GABRP: variants seen among roughly 807,000 people sequenced by gnomAD.
GABRP encodes the protein gamma-aminobutyric acid receptor subunit pi.
Under a neutral mutation model 47.8 loss-of-function variants are expected in GABRP, and 52 were observed. The ratio of observed to expected loss-of-function variants is 1.09; its 90% CI spans 0.87 to 1.37. GABRP has a LOEUF of 1.37. GABRP is among the 40% of genes most tolerant of loss of function. The probability of loss-of-function intolerance (pLI) is 0.00; values close to 1 mark genes in which losing one functional copy is unlikely to be tolerated. For missense variants in GABRP, 525 were observed against 542.8 expected (o/e 0.97, Z 0.33); for synonymous variants, 221 against 205.8 (o/e 1.07, Z -0.63).
At chr5:170,792,149 A>G (rs1446910983) in intron 3 of GABRP, among the ~76,000 whole-genome samples, 1 of 152,236 alleles carries the variant, frequency 6.6e-6, no homozygotes, top group East Asian at 1.9e-4. Flanking sequence ...ACAGGTGTGA[A>G]ACTGTAGCAT....
chr5:170,811,539 C>T (rs535378873), intron 9 of GABRP, among the ~76,000 whole-genome samples: 5 of 152,228 alleles, frequency 3.3e-5, no homozygotes, highest in South Asian at 4.1e-4. Flanking sequence ...TTTAATCTTC[C>T]CATCAGTCTC....
chr5:170,788,387 T>A, intron 1 of GABRP, 187 bp from the exon 2 acceptor site: 1 of 420,232 alleles, frequency 2.4e-6, no homozygotes, highest in Admixed American at 4.1e-5. Flanking sequence ...AACATAATCC[T>A]CCAAAATGAA....
Position 170,796,964 on chromosome 5 carries a change from A to G in GABRP, c.459-502A>G, listed in dbSNP as rs185085576. On this transcript the variant is annotated intron_variant, in intron 5 of 9. Coordinates refer to ENST00000265294, the MANE Select transcript of GABRP (RefSeq NM_014211.3). ...CAAAGCCACAGTGCCTGGGGCCCCC[A>G]CTGCCTCTGCATCCTGGTTCCCATG... 6.4e-4 allele frequency among the ~76,000 whole-genome samples: 97 copies of G among 152,290 alleles called. 2 individuals are homozygous for G. In the East Asian group the frequency reaches 0.013, roughly 21 times the overall value.
intron 7 of GABRP, 124 bp from the exon 8 acceptor site, chr5:170,808,463 ATCATAATGACAGT>A: frequency 1.4e-6 from 1 of 730,858 alleles, no homozygotes; most frequent in Non-Finnish European, 2.2e-6. Context: ...TCCTGTGGAA[ATCATAATGACAGT>A]TCATACATAA....
intron 6 of GABRP, 85 bp downstream of exon 6, chr5:170,797,633 T>C: frequency 2.5e-6 from 2 of 802,982 alleles, no homozygotes; most frequent in Middle Eastern, 2.3e-4. Flanking sequence ...TCATACACAG[T>C]GACCTTTCTT....
chr5:170,809,238 G>C (rs1280023622), intron 8 of GABRP, among the ~76,000 whole-genome samples: 1 of 152,092 alleles, frequency 6.6e-6, no homozygotes, highest in Non-Finnish European at 1.5e-5. Flanking sequence ...TGCCCTGCCA[G>C]GAGTGGTGCA....
At chr5:170,787,615 C>G (rs113783343) in intron 1 of GABRP, among the ~76,000 whole-genome samples, 1 of 145,868 alleles carries the variant, frequency 6.9e-6, no homozygotes, top group East Asian at 2.6e-4. Flanking sequence ...AAGAGAGTAC[C>G]GGGGGGGAGG....
At chr5:170,804,467 C>T (rs1765675366) in intron 6 of GABRP, among the ~76,000 whole-genome samples, 1 of 152,108 alleles carries the variant, frequency 6.6e-6, no homozygotes, top group Non-Finnish European at 1.5e-5. Context: ...GTGGTTGTAC[C>T]ATTTCACATT....
At position 170,804,992 on chromosome 5, in the gene GABRP, T is replaced by TATTA. The variant is rs1345717677; in HGVS notation, c.542-724_542-723insATTA. Among the ~76,000 whole-genome samples, 975 of 106,454 alleles carry TATTA rather than the reference T, an allele frequency of 9.2e-3. 16 individuals are homozygous for TATTA. The highest frequency in any genetic ancestry group is 0.024 in the African/African-American group (734 of 30,910). 69.8% of individuals were successfully genotyped at this position (106,454 alleles called of 152,430 possible). A position where few individuals can be genotyped will look rare whatever the true frequency, so the allele number is the denominator to read the frequency against. ...TTTATATATTATATATTATATTATATTATATATTATATATATTATATATAT... is the reference window on the plus strand; with the variant it reads ...TTTATATATTATATATTATATTATATATTATATATATTATATATATTATATATAT... On this transcript the variant is annotated intron_variant, in intron 6 of 9. Transcript: ENST00000265294.
chr5:170,788,595 T>TG lies in GABRP; in HGVS notation c.-19dup. ...CCAGGTGATTCCTACTTCAGCCCCTTGGTGTGAGCAGCTTCTCAACATGAA... is the reference window on the plus strand; with the variant it reads ...CCAGGTGATTCCTACTTCAGCCCCTTGGGTGTGAGCAGCTTCTCAACATGAA... On this transcript the variant is annotated 5_prime_UTR_variant, in exon 2 of 10. Transcript: ENST00000265294. 6.2e-7 allele frequency: 1 copy of TG among 1,613,928 alleles called. No individual in the cohort carries two copies. Among genetic ancestry groups the TG allele is most frequent in the Admixed American group, 1.7e-5 (1 of 60,016 alleles).
chr5:170,811,977 G>T lies in GABRP; in HGVS notation c.1042G>T (p.Glu348Ter). 5 of 1,613,910 alleles carry T rather than the reference G, an allele frequency of 3.1e-6. No individual in the cohort carries two copies. The highest frequency in any genetic ancestry group is 4.2e-6 in the Non-Finnish European group (5 of 1,179,844). ...KDRGTTKEVE[E>*]VSITNIINSS... is the part of the protein sequence containing the mutation. ...CTAGGGGACAACAAAGGAAGTAGAA[G>T]AAGTCAGTATTACTAATATCATCAA... Residue 348 changes from glutamate to a stop codon, truncating the protein, a stop_gained, in exon 10 of 10, where the codon GAA (glutamate) becomes TAA (stop). Coordinates refer to ENST00000265294, the MANE Select transcript of GABRP (RefSeq NM_014211.3). LOFTEE classifies it high-confidence loss of function.
chr5:170,789,050 A>C, intron 2 of GABRP, 79 bp from the exon 3 acceptor site: 1 of 1,123,590 alleles, frequency 8.9e-7, no homozygotes, highest in Non-Finnish European at 1.3e-6. Context: ...ACACGTGGGC[A>C]AACACAAGCT....
At chr5:170,805,087 A>C (rs115840038) in intron 6 of GABRP, among the ~76,000 whole-genome samples, 1,506 of 149,434 alleles carry the variant, frequency 0.01, 34 homozygotes, top group African/African-American at 0.03. Context: ...AAATGTAAAG[A>C]AATGTCCATC....
At position 170,813,791 on chromosome 5, in the gene GABRP, A is replaced by T. The variant is rs1243131119; in HGVS notation, c.*1533A>T. The T allele has an allele frequency of 6.6e-6, 1 of 152,102 alleles. No individual in the cohort carries two copies. The highest frequency in any genetic ancestry group is 1.5e-5 in the Non-Finnish European group (1 of 68,024). The allele number at this position is 152,102 out of a possible 1,614,324, so 9.4% of individuals were successfully genotyped here. ...ACAGGTTCTCATTCCTTTTCCCATTATACTTCTCACAATTCAGTTTCTATG... is the reference window on the plus strand; with the variant it reads ...ACAGGTTCTCATTCCTTTTCCCATTTTACTTCTCACAATTCAGTTTCTATG... On this transcript the variant is annotated 3_prime_UTR_variant, in exon 10 of 10. Coordinates refer to ENST00000265294, the MANE Select transcript of GABRP (RefSeq NM_014211.3).
intron 3 of GABRP, 57 bp from the exon 4 acceptor site, chr5:170,794,174 A>G: frequency 9.1e-7 from 1 of 1,100,088 alleles, no homozygotes; most frequent in South Asian, 1.7e-5. Context: ...GCACTAATAT[A>G]GTATTAAGAC....
Position 170,799,350 on chromosome 5 carries a change from C to A in GABRP, c.541+1802C>A, listed in dbSNP as rs566478674. 3.7e-4 allele frequency among the ~76,000 whole-genome samples: 57 copies of A among 152,286 alleles called. 1 individual carries two copies. In the South Asian group the frequency reaches 0.011, roughly 30 times the overall value. ...TTCTAGTTCTAGATCCCTGAGGAAT[C>A]GCCACACTGTCTTCCACAGTGGTTG... On this transcript the variant is annotated intron_variant, in intron 6 of 9. Coordinates refer to ENST00000265294, the MANE Select transcript of GABRP (RefSeq NM_014211.3).
intron 3 of GABRP, among the ~76,000 whole-genome samples, chr5:170,790,700 C>T (rs890192320): frequency 2.6e-5 from 4 of 152,040 alleles, no homozygotes; most frequent in African/African-American, 9.7e-5. Flanking sequence ...TTTGGAATGA[C>T]CACCAGGGAG....
At chr5:170,809,477 C>A in intron 8 of GABRP, 91 bp from the exon 9 acceptor site, 1 of 1,291,462 alleles carries the variant, frequency 7.7e-7, no homozygotes, top group Non-Finnish European at 1.1e-6. Flanking sequence ...TTGCCCTCAC[C>A]CTGCCAATTC....
intron 6 of GABRP, among the ~76,000 whole-genome samples, chr5:170,804,795 T>A (rs1321818282): frequency 6.6e-6 from 1 of 152,032 alleles, no homozygotes; most frequent in Non-Finnish European, 1.5e-5. Context: ...CTTTGTTTCT[T>A]GCTTGCCTTG....
Sources: allele counts gnomAD v4.1 joint callset (sites outside exome capture counted in the v4.1 genomes callset), GRCh38; gene constraint gnomAD v4.1.1; transcripts MANE v1.5; gene names NCBI Gene and HGNC (gene_info 2026-07-23, HGNC 2026-07-21).